Variants in CMYA5 observed in about 807,000 individuals in gnomAD.
CMYA5 encodes the protein cardiomyopathy-associated protein 5.
Under a neutral mutation model 318.9 loss-of-function variants are expected in CMYA5, and 246 were observed. That is an observed-to-expected ratio of 0.77 (90% CI 0.70 to 0.86). The LOEUF is 0.86. Ranked by LOEUF, CMYA5 falls within the 40% of genes least tolerant of loss-of-function variation. The pLI, the probability that CMYA5 is intolerant of heterozygous loss-of-function variation, is 0.00. For synonymous variants in CMYA5, 1,641 were observed against 1,729.5 expected (o/e 0.95, Z 1.27); for missense variants, 4,589 against 4,678.2 (o/e 0.98, Z 0.56).
rs7722037 is a variant in CMYA5 at position 79,752,673 on chromosome 5, T to G, written c.10992-3T>G. 1 of 1,602,494 alleles carries G rather than the reference T, an allele frequency of 6.2e-7. No homozygotes were observed. Among genetic ancestry groups the G allele is most frequent in the Non-Finnish European group, 8.5e-7 (1 of 1,170,668 alleles). Reference sequence around the variant, plus strand: ...ACTTATGTAGAGCTCTATTCCCCGATAGGTTGCTTTCTGCAATGGAGAGCA... The same window carrying G: ...ACTTATGTAGAGCTCTATTCCCCGAGAGGTTGCTTTCTGCAATGGAGAGCA... On this transcript the variant is annotated splice_polypyrimidine_tract_variant and splice_region_variant and intron_variant, in intron 5 of 12. Coordinates refer to ENST00000446378, the MANE Select transcript of CMYA5 (RefSeq NM_153610.5).
chr5:79,732,472 C>G lies in CMYA5; in HGVS notation c.3707C>G (p.Ser1236Cys), dbSNP rs200688277. ...MEPQPPNVPE[S>C]EMKYSVLPDM... ...CCTCAGCCTCCAAATGTTCCAGAGTCTGAGATGAAATATTCAGTTTTGCCT... is the reference window on the plus strand; with the variant it reads ...CCTCAGCCTCCAAATGTTCCAGAGTGTGAGATGAAATATTCAGTTTTGCCT... Residue 1236 changes from serine to cysteine, a missense_variant, in exon 2 of 13, where the codon TCT becomes TGT. Ser to Cys is a moderately radical substitution (Grantham distance 112). Around this residue, in one of 3 missense-constraint regions of CMYA5, gnomAD observed 2,132 missense variants for 2,131.3 expected, o/e 1.00. Coordinates refer to ENST00000446378, the MANE Select transcript of CMYA5 (RefSeq NM_153610.5). The G allele has an allele frequency of 5.0e-4, 807 of 1,613,172 alleles. 1 individual carries two copies. The highest frequency in any genetic ancestry group is 5.9e-4 in the Non-Finnish European group (699 of 1,179,576).
At chr5:79,724,402 C>T (rs541636702) in intron 1 of CMYA5, among the ~76,000 whole-genome samples, 4 of 152,202 alleles carry the variant, frequency 2.6e-5, no homozygotes, top group Non-Finnish European at 5.9e-5. Context: ...TAGAAGGAAA[C>T]TTCCTTCATC....
chr5:79,766,619 A>G (rs949505265), intron 9 of CMYA5, among the ~76,000 whole-genome samples: 6 of 152,140 alleles, frequency 3.9e-5, no homozygotes, highest in African/African-American at 1.4e-4. Context: ...ATTGATTTGC[A>G]TATGTTGAAC....
chr5:79,737,341 C>T lies in CMYA5; in HGVS notation c.8576C>T (p.Ser2859Phe). ...HTIQTSKDDT[S>F]DVPKQSVLVS... ...ATTCAGACATCTAAAGATGACACAT[C>T]CGATGTGCCTAAACAATCTGTTCTT... Residue 2859 changes from serine (S) to phenylalanine (F), a missense_variant, in exon 2 of 13, where the codon TCC (serine) becomes TTC (phenylalanine). Physicochemically the swap from Ser to Phe is radical, Grantham distance 155. Coordinates refer to ENST00000446378, the MANE Select transcript of CMYA5 (RefSeq NM_153610.5). The T allele has an allele frequency of 1.2e-6, 2 of 1,613,812 alleles. No individual in the cohort carries two copies. Among genetic ancestry groups the T allele is most frequent in the Non-Finnish European group, 1.7e-6 (2 of 1,179,796 alleles).
At position 79,734,239 on chromosome 5, in the gene CMYA5, A is replaced by G. The variant is rs1292903595; in HGVS notation, c.5474A>G (p.Glu1825Gly). 6.2e-7 allele frequency: 1 copy of G among 1,613,742 alleles called. No individual in the cohort carries two copies. The highest frequency in any genetic ancestry group is 2.2e-5 in the East Asian group (1 of 44,880). ...CTCCTTGTAGAACAAAAAAAGACAG[A>G]AAAAGCACTTCATTCAGATCAAACT... ...SDLLVEQKKT[E>G]KALHSDQTVK... Residue 1825 changes from glutamate to glycine, a missense_variant, in exon 2 of 13, where the codon GAA becomes GGA. Glu to Gly is a moderately conservative substitution (Grantham distance 98, BLOSUM62 -2). Around this residue, in one of 3 missense-constraint regions of CMYA5, gnomAD observed 2,132 missense variants for 2,131.3 expected, o/e 1.00. Coordinates refer to ENST00000446378, the MANE Select transcript of CMYA5 (RefSeq NM_153610.5).
At chr5:79,746,443 G>GT (rs1157588608) in intron 4 of CMYA5, among the ~76,000 whole-genome samples, 1 of 147,510 alleles carries the variant, frequency 6.8e-6, no homozygotes, top group African/African-American at 2.5e-5. Flanking sequence ...ATTGGGCACT[G>GT]TTTGTGAAGC....
intron 1 of CMYA5, among the ~76,000 whole-genome samples, chr5:79,717,161 G>A (rs541856703): frequency 8.5e-5 from 13 of 152,246 alleles, no homozygotes; most frequent in African/African-American, 3.1e-4. Context: ...ATTGTTCCAG[G>A]ACCTTTTTAT....
chr5:79,745,435 G>T lies in CMYA5; in HGVS notation c.10948G>T (p.Asp3650Tyr). The T allele has an allele frequency of 6.2e-7, 1 of 1,613,870 alleles. No individual in the cohort carries two copies. Among genetic ancestry groups the T allele is most frequent in the South Asian group, 1.1e-5 (1 of 91,066 alleles). The change falls in exon 4 of 13, where the codon GAT becomes TAT. Residue 3650 changes from aspartate (D) to tyrosine (Y), a missense_variant. Physicochemically the swap from Asp to Tyr is radical, Grantham distance 160. Coordinates refer to ENST00000446378, the MANE Select transcript of CMYA5 (RefSeq NM_153610.5). ...CATCGTGAGAGAAGCAGAGGAGCTT[G>T]ATGAGGCCGTCTTCCTGACTGTAAG... ...ETIVREAEEL[D>Y]EAVFLTSFEE... is the part of the protein sequence containing the mutation.
chr5:79,722,057 G>A (rs1367695581), intron 1 of CMYA5, among the ~76,000 whole-genome samples: 1 of 152,024 alleles, frequency 6.6e-6, no homozygotes, highest in African/African-American at 2.4e-5. Flanking sequence ...TCTTAAAATG[G>A]CCATATAGCC....
rs1247688805 is a variant in CMYA5, at chr5:79,733,375, TAAA to T, written c.4611_4613del (p.Ile1537_Lys1538delinsMet). On this transcript the variant is annotated inframe_deletion, in exon 2 of 13. Transcript: ENST00000446378. ...CTTCCACTCAGCCTATGGGGTGAGA[TAAA>T]GAAGAAAGAAACTGAACTTCCTTCA... 4 of 1,613,288 alleles carry T rather than the reference TAAA, an allele frequency of 2.5e-6. No homozygotes were observed. The highest frequency in any genetic ancestry group is 1.6e-4 in the Middle Eastern group (1 of 6,084).
In CMYA5 at chr5:79,730,779, GT is replaced by G. The variant is rs1827875740; in HGVS notation, c.2016del (p.Thr673HisfsTer39). 6.2e-7 allele frequency: 1 copy of G among 1,613,724 alleles called. No individual in the cohort carries two copies. The highest frequency in any genetic ancestry group is 1.7e-5 in the Admixed American group (1 of 59,976). On this transcript the variant is annotated frameshift_variant, in exon 2 of 13. Coordinates refer to ENST00000446378, the MANE Select transcript of CMYA5 (RefSeq NM_153610.5). LOFTEE classifies it high-confidence loss of function. ...SENQSPLFST[V>X]TPEYMVLSGD... ...GAACCAGTCTCCACTGTTTTCAACA[GT>G]TACACCAGAATACATGGTCCTATCA...
chr5:79,708,943 A>AT (rs898683864), intron 1 of CMYA5, among the ~76,000 whole-genome samples: 2 of 151,962 alleles, frequency 1.3e-5, no homozygotes, highest in Admixed American at 6.6e-5. Context: ...CCCTGTCTCA[A>AT]TTTTTTTTAA....
chr5:79,768,144 A>G (rs1337061057), intron 9 of CMYA5, among the ~76,000 whole-genome samples: 6 of 146,828 alleles, frequency 4.1e-5, no homozygotes, highest in Admixed American at 3.4e-4. Context: ...TTTTCTTTCC[A>G]TTTGCTTGGT....
chr5:79,750,880 G>A (rs1434883673), intron 5 of CMYA5, among the ~76,000 whole-genome samples: 1 of 152,170 alleles, frequency 6.6e-6, no homozygotes, highest in Non-Finnish European at 1.5e-5. Context: ...CATTTTGCTT[G>A]TGGTACCTAC....
chr5:79,728,811 A>T, intron 1 of CMYA5, 104 bp from the exon 2 acceptor site: 1 of 514,092 alleles, frequency 1.9e-6, no homozygotes. Flanking sequence ...TCTGTATTTT[A>T]ATTTCACATT....
Position 79,738,094 on chromosome 5 carries a change from A to C in CMYA5, c.9329A>C (p.Lys3110Thr), listed in dbSNP as rs1828123154. The C allele has an allele frequency of 3.1e-6, 5 of 1,613,566 alleles. No individual in the cohort carries two copies. Among genetic ancestry groups the C allele is most frequent in the Non-Finnish European group, 4.2e-6 (5 of 1,179,770 alleles). Residue 3110 changes from lysine (K) to threonine (T), a missense_variant, in exon 2 of 13, where the codon AAA (lysine) becomes ACA (threonine). Lys to Thr is a moderately conservative substitution (Grantham distance 78). This residue lies in a region of CMYA5 where 2,431 missense variants were observed against 2,495.1 expected (regional missense o/e 0.97). Transcript: ENST00000446378. The part of the protein sequence containing the change: ...SALEHEYDLV[K>T]LDESFYGPEK... The stretch of plus-strand genomic sequence containing the variant: ...CTAGAACATGAATATGACTTGGTGA[A>C]ATTAGATGAAAGTTTTTATGGACCA...
At position 79,737,589 on chromosome 5, in the gene CMYA5, A is replaced by T. The variant is rs1368238596; in HGVS notation, c.8824A>T (p.Thr2942Ser). The change falls in exon 2 of 13, where the codon ACT becomes TCT. Residue 2942 changes from threonine to serine, a missense_variant. By Grantham distance (58) the Thr-to-Ser change is moderately conservative. Transcript: ENST00000446378. ...KPAGLSEDQKTAFSIISEGCE... is the reference protein window; with the variant it reads ...KPAGLSEDQKSAFSIISEGCE... ...AGCCGGACTTTCAGAAGATCAGAAG[A>T]CTGCCTTTAGTATCATTTCTGAAGG... is the stretch of plus-strand genomic sequence containing the variant. The T allele has an allele frequency of 6.2e-7, 1 of 1,613,608 alleles. No individual in the cohort carries two copies. Among genetic ancestry groups the T allele is most frequent in the Non-Finnish European group, 8.5e-7 (1 of 1,179,800 alleles).
At position 79,738,406 on chromosome 5, in the gene CMYA5, G is replaced by T. The variant is rs1261493470; in HGVS notation, c.9641G>T (p.Gly3214Val). The T allele has an allele frequency of 1.2e-6, 2 of 1,613,682 alleles. No individual in the cohort carries two copies. Among genetic ancestry groups the T allele is most frequent in the African/African-American group, 1.3e-5 (1 of 74,914 alleles). ...KKKEEETASE[G>V]DSVNSEASFP... ...AAGGAAGAGGAGACAGCTTCTGAAG[G>T]TGACAGTGTGAATTCTGAGGCATCA... The change falls in exon 2 of 13, where the codon GGT (glycine) becomes GTT (valine). Residue 3214 changes from glycine (G) to valine (V), a missense_variant. Gly to Val is a moderately radical substitution (Grantham distance 109). This residue lies in a region of CMYA5 where 2,431 missense variants were observed against 2,495.1 expected (regional missense o/e 0.97). Transcript: ENST00000446378.
At position 79,737,336 on chromosome 5, in the gene CMYA5, C is replaced by T. The variant is rs1456451273; in HGVS notation, c.8571C>T (p.Asp2857=). 3.7e-6 allele frequency: 6 copies of T among 1,613,800 alleles called. No homozygotes were observed. The highest frequency in any genetic ancestry group is 2.5e-6 in the Non-Finnish European group (3 of 1,179,820). Residue 2857 remains aspartate (D), a synonymous_variant, in exon 2 of 13, where the codon GAC becomes GAT. Coordinates refer to ENST00000446378, the MANE Select transcript of CMYA5 (RefSeq NM_153610.5). ...TVHTIQTSKD[D]TSDVPKQSVL... ...ATACTATTCAGACATCTAAAGATGA[C>T]ACATCCGATGTGCCTAAACAATCTG...
Sources: gnomAD v4.1 joint callset for allele counts (sites outside exome capture counted in the v4.1 genomes callset) on GRCh38, gnomAD v4.1.1 for gene constraint, gnomAD v4.1.1 regional missense constraint, MANE v1.5 for transcripts, NCBI Gene and HGNC (gene_info 2026-07-23, HGNC 2026-07-21) for gene names.